The following CPLX2 variants were observed in gnomAD, a reference collection of about 807,000 sequenced individuals.
The protein encoded by CPLX2 is complexin 2, also known as complexin-2.
CPLX2 carries 5 observed loss-of-function variants against 16.3 expected under a neutral mutation model. The observed-to-expected ratio is 0.31, with a 90% CI of 0.16 to 0.64. The LOEUF is 0.64. CPLX2 is among the 30% of genes least tolerant of loss of function. CPLX2 has a pLI of 0.79. For synonymous variants in CPLX2, 89 were observed against 73.2 expected, an observed-to-expected ratio of 1.22 and a Z score of -1.10; for missense variants, 144 against 181.4, an observed-to-expected ratio of 0.79 and a Z score of 1.18.
chr5:175,802,768 G>A (rs1758123490), intron 1 of CPLX2, among the ~76,000 whole-genome samples: 1 of 152,102 alleles, frequency 6.6e-6, no homozygotes, highest in African/African-American at 2.4e-5. Context: ...GGGTCATTTT[G>A]CACAATGACA....
At chr5:175,831,959 C>G (rs1581081510) in intron 2 of CPLX2, among the ~76,000 whole-genome samples, 2 of 152,342 alleles carry the variant, frequency 1.3e-5, no homozygotes, top group South Asian at 2.1e-4. Context: ...AACTTATCCA[C>G]TTCTGACACT....
intron 2 of CPLX2, among the ~76,000 whole-genome samples, chr5:175,816,129 A>G (rs1758401941): frequency 6.6e-6 from 1 of 152,036 alleles, no homozygotes; most frequent in Non-Finnish European, 1.5e-5. Context: ...CGGCTCCGCC[A>G]CTATGCAGCA....
At chr5:175,796,645 C>T (rs1226452267) in exon 1 of CPLX2, 3 of 152,648 alleles carry the variant, frequency 2.0e-5, no homozygotes, top group Non-Finnish European at 4.4e-5. Flanking sequence ...GGGCTTGGCG[C>T]CCCCCGCGTG....
In CPLX2 at chr5:175,878,967, C is replaced by G; in HGVS notation, c.91C>G (p.Gln31Glu). The G allele has an allele frequency of 1.9e-6, 3 of 1,610,176 alleles. No individual in the cohort carries two copies. Among genetic ancestry groups the G allele is most frequent in the Non-Finnish European group, 2.5e-6 (3 of 1,178,364 alleles). Residue 31 changes from glutamine to glutamate, a missense_variant, in exon 3 of 4, where the codon CAG becomes GAG. Physicochemically the swap from Gln to Glu is conservative, Grantham distance 29. Coordinates refer to ENST00000393745, the MANE Select transcript of CPLX2 (RefSeq NM_001008220.2). ...AGAGGAGGAGAAGGACCCCGACGCG[C>G]AGAAAAAGGAGGAGGAGCGGCAGGA... ...GGEEEKDPDA[Q>E]KKEEERQEAL...
At chr5:175,843,801 AAAGCCTCAGGAGAG>A (rs553043949) in intron 2 of CPLX2, among the ~76,000 whole-genome samples, 12 of 152,370 alleles carry the variant, frequency 7.9e-5, no homozygotes, top group Admixed American at 7.8e-4. Flanking sequence ...AACTGAGGGG[AAAGCCTCAGGAGAG>A]AAGGTCGTTG....
chr5:175,830,615 A>G lies in CPLX2; in HGVS notation c.-89+21547A>G, dbSNP rs983648551. ...TGGTCTCTTCGAGGGACCCTCATAC[A>G]TAGCTCTGCAGGCAGGCAAGGGATG... On this transcript the variant is annotated intron_variant, in intron 2 of 4. Transcript: ENST00000359546. This position sits in a 1 kb window ranked among gnomAD's most constrained non-coding sequence, Gnocchi z 4.0. 1.3e-5 allele frequency among the ~76,000 whole-genome samples: 2 copies of G among 152,168 alleles called. No homozygotes were observed. Among genetic ancestry groups the G allele is most frequent in the African/African-American group, 4.8e-5 (2 of 41,442 alleles).
chr5:175,806,993 TG>T (rs1758219093), intron 1 of CPLX2, among the ~76,000 whole-genome samples: 1 of 152,106 alleles, frequency 6.6e-6, no homozygotes, highest in Non-Finnish European at 1.5e-5. Flanking sequence ...ATTGTGACTG[TG>T]GGGGTTTGGC....
chr5:175,797,175 G>C (rs1405343496), intron 1 of CPLX2, among the ~76,000 whole-genome samples: 2 of 152,192 alleles, frequency 1.3e-5, no homozygotes, highest in Non-Finnish European at 2.9e-5. Context: ...AGCTCTCTCC[G>C]GCGGCACCGC....
At chr5:175,814,710 A>T (rs923181570) in intron 2 of CPLX2, among the ~76,000 whole-genome samples, 5 of 152,210 alleles carry the variant, frequency 3.3e-5, no homozygotes, top group Non-Finnish European at 7.3e-5. Flanking sequence ...AACCAAAGGG[A>T]AAGCTGGACA....
chr5:175,799,550 A>ATATATATTTC (rs1561766320), intron 1 of CPLX2, among the ~76,000 whole-genome samples: 3 of 38,490 alleles, frequency 7.8e-5, no homozygotes, highest in African/African-American at 3.5e-4. Flanking sequence ...ATATATATAT[A>ATATATATTTC]TATATATATA....
At chr5:175,827,357 T>C (rs1001667700) in intron 2 of CPLX2, among the ~76,000 whole-genome samples, 2 of 152,218 alleles carry the variant, frequency 1.3e-5, no homozygotes, top group African/African-American at 4.8e-5. Context: ...TTGATTGCTT[T>C]TCTACAGCAG....
intron 2 of CPLX2, among the ~76,000 whole-genome samples, chr5:175,860,877 C>G (rs1201746663): frequency 6.6e-6 from 1 of 151,016 alleles, no homozygotes; most frequent in African/African-American, 2.4e-5. Context: ...CTAGACAGGT[C>G]AAAAATGTAT....
At chr5:175,807,333 C>T (rs1428578873) in intron 1 of CPLX2, among the ~76,000 whole-genome samples, 1 of 152,240 alleles carries the variant, frequency 6.6e-6, no homozygotes, top group Non-Finnish European at 1.5e-5. Context: ...CTGTTTGGGA[C>T]TGAGCAGTAG....
Position 175,880,369 on chromosome 5 carries a change from G to C in CPLX2, c.*324G>C, listed in dbSNP as rs970203732. 9 of 418,850 alleles carry C rather than the reference G, an allele frequency of 2.1e-5. No individual in the cohort carries two copies. The highest frequency in any genetic ancestry group is 4.1e-5 in the Non-Finnish European group (9 of 221,676). 25.9% of individuals were successfully genotyped at this position (418,850 alleles called of 1,614,324 possible). ...TCCTCCCTGCTCCCCACTGCCAGGA[G>C]GACCACTGTCCCCAGCCAGCCAAAG... On this transcript the variant is annotated 3_prime_UTR_variant, in exon 4 of 4. Coordinates refer to ENST00000393745, the MANE Select transcript of CPLX2 (RefSeq NM_001008220.2).
chr5:175,874,635 G>A (rs994377997), intron 1 of CPLX2, among the ~76,000 whole-genome samples: 2 of 152,136 alleles, frequency 1.3e-5, no homozygotes, highest in Non-Finnish European at 2.9e-5. Flanking sequence ...AAGCCAGGAT[G>A]AGACTGATCT....
intron 2 of CPLX2, among the ~76,000 whole-genome samples, chr5:175,827,597 A>C (rs1758642236): frequency 6.6e-6 from 1 of 152,196 alleles, no homozygotes; most frequent in Non-Finnish European, 1.5e-5. Flanking sequence ...TCTACTAAAA[A>C]TACAAAATTA....
intron 2 of CPLX2, among the ~76,000 whole-genome samples, chr5:175,854,635 G>A (rs955777209): frequency 1.8e-4 from 27 of 151,984 alleles, no homozygotes; most frequent in African/African-American, 5.8e-4. Flanking sequence ...CAAGGCATGC[G>A]GGGTCAGAGA....
intron 2 of CPLX2, among the ~76,000 whole-genome samples, chr5:175,813,033 G>A (rs531890532): frequency 2.1e-4 from 32 of 152,272 alleles, no homozygotes; most frequent in Admixed American, 2.0e-3. Flanking sequence ...CACATTCTCA[G>A]CCACGAGCCA....
intron 2 of CPLX2, among the ~76,000 whole-genome samples, chr5:175,826,673 C>T (rs1449067772): frequency 6.6e-6 from 1 of 152,128 alleles, no homozygotes; most frequent in Non-Finnish European, 1.5e-5. Context: ...GGGGCCCCTA[C>T]TGGCCCCTCT....
Sources: gnomAD v4.1 joint callset for allele counts (sites outside exome capture counted in the v4.1 genomes callset) on GRCh38, gnomAD v4.1.1 for gene constraint, Gnocchi (gnomAD v3.1) non-coding constraint, MANE v1.5 for transcripts, NCBI Gene and HGNC (gene_info 2026-07-23, HGNC 2026-07-21) for gene names.